The following CNTNAP2 variants were observed in gnomAD, a reference collection of about 807,000 sequenced individuals.
CNTNAP2 encodes contactin associated protein 2, also known as contactin-associated protein-like 2.
In CNTNAP2, 98 loss-of-function variants were observed where a neutral mutation model predicts 155.2. That is an observed-to-expected ratio of 0.63 (90% CI 0.54 to 0.75). The LOEUF (loss-of-function observed/expected upper bound fraction) is 0.75. CNTNAP2 is among the 30% of genes least tolerant of loss of function. CNTNAP2 has a pLI of 0.00. For synonymous variants in CNTNAP2, 651 were observed against 631.2 expected, an observed-to-expected ratio of 1.03 and a Z score of -0.47; for missense variants, 1,727 against 1,688.1, an observed-to-expected ratio of 1.02 and a Z score of -0.40.
At chr7:146,705,353 T>G (rs1308731917) in intron 1 of CNTNAP2, among the ~76,000 whole-genome samples, 1 of 152,030 alleles carries the variant, frequency 6.6e-6, no homozygotes, top group Non-Finnish European at 1.5e-5. Flanking sequence ...GTGTGGTAAG[T>G]ATTTGTTTCC....
intron 14 of CNTNAP2, among the ~76,000 whole-genome samples, chr7:147,959,009 C>T (rs534813436): frequency 3.9e-4 from 60 of 152,160 alleles, no homozygotes; most frequent in Non-Finnish European, 7.2e-4. Context: ...AAAGGCTCCA[C>T]TTTTTATTAA....
chr7:146,884,893 T>C (rs966214269), intron 3 of CNTNAP2, among the ~76,000 whole-genome samples: 2 of 152,180 alleles, frequency 1.3e-5, no homozygotes, highest in Admixed American at 1.3e-4. Context: ...CTTTTCTAGC[T>C]CCCTTAAAAA....
chr7:146,206,879 A>G (rs1798955517), intron 1 of CNTNAP2, among the ~76,000 whole-genome samples: 1 of 152,002 alleles, frequency 6.6e-6, no homozygotes, highest in Non-Finnish European at 1.5e-5. Flanking sequence ...CACCAAATTA[A>G]TAGTACCTTT....
intron 1 of CNTNAP2, among the ~76,000 whole-genome samples, chr7:146,160,112 A>T (rs1382560580): frequency 2.0e-5 from 3 of 152,200 alleles, no homozygotes; most frequent in Non-Finnish European, 4.4e-5. Flanking sequence ...TAACAAAATG[A>T]AGGCAGAAAT....
At chr7:146,777,952 G>A (rs1166910038) in intron 2 of CNTNAP2, among the ~76,000 whole-genome samples, 1 of 151,826 alleles carries the variant, frequency 6.6e-6, no homozygotes, top group Non-Finnish European at 1.5e-5. Flanking sequence ...AAGATATAAA[G>A]AAGACAGACA....
intron 20 of CNTNAP2, among the ~76,000 whole-genome samples, chr7:148,264,622 A>G (rs1023529286): frequency 6.6e-6 from 1 of 152,230 alleles, no homozygotes; most frequent in Non-Finnish European, 1.5e-5. Flanking sequence ...GTTTTTCTAT[A>G]ATGAACATAT....
intron 1 of CNTNAP2, among the ~76,000 whole-genome samples, chr7:146,252,848 T>A (rs1005039003): frequency 1.3e-5 from 2 of 152,038 alleles, no homozygotes; most frequent in Non-Finnish European, 2.9e-5. Flanking sequence ...TTAATTTCCT[T>A]CTTAAAATGT....
At chr7:147,185,817 T>C (rs1165894630) in intron 8 of CNTNAP2, among the ~76,000 whole-genome samples, 1 of 152,128 alleles carries the variant, frequency 6.6e-6, no homozygotes, top group East Asian at 1.9e-4. Context: ...AATTGAATCA[T>C]GGGGACAGGT....
intron 8 of CNTNAP2, among the ~76,000 whole-genome samples, chr7:147,284,427 C>T (rs1038544506): frequency 3.3e-5 from 5 of 151,768 alleles, no homozygotes; most frequent in Non-Finnish European, 7.4e-5. Flanking sequence ...TCTTACGTAG[C>T]ATGTAATGAA....
intron 15 of CNTNAP2, among the ~76,000 whole-genome samples, chr7:148,035,791 G>A (rs1290330421): frequency 1.3e-5 from 2 of 152,166 alleles, no homozygotes; most frequent in Non-Finnish European, 2.9e-5. Context: ...AGAGATGCAG[G>A]TATGAAACTC....
At chr7:146,717,870 G>A (rs896031841) in intron 1 of CNTNAP2, among the ~76,000 whole-genome samples, 2 of 151,540 alleles carry the variant, frequency 1.3e-5, no homozygotes, top group African/African-American at 2.4e-5. Flanking sequence ...TGATTCATCC[G>A]AGGCACATTT....
chr7:148,409,473 T>C lies in CNTNAP2; in HGVS notation c.3796+2T>C. ...ACAGAAACTCGGCTATCATTGGAGG[T>C]AGGTGATGTCTAGAGGAGGCTTATA... is the stretch of plus-strand genomic sequence containing the variant. On this transcript the variant is annotated splice_donor_variant, in intron 23 of 23. Coordinates refer to ENST00000361727, the MANE Select transcript of CNTNAP2 (RefSeq NM_014141.6). LOFTEE classifies it high-confidence loss of function. 1 of 1,613,322 alleles carries C rather than the reference T, an allele frequency of 6.2e-7. No homozygotes were observed. The highest frequency in any genetic ancestry group is 8.5e-7 in the Non-Finnish European group (1 of 1,179,400).
chr7:146,604,625 G>C lies in CNTNAP2; in HGVS notation c.98-169646G>C, dbSNP rs560920591. On this transcript the variant is annotated intron_variant, in intron 1 of 23. Coordinates refer to ENST00000361727, the MANE Select transcript of CNTNAP2 (RefSeq NM_014141.6). The stretch of plus-strand genomic sequence containing the variant: ...TGCTGCTATAAAGACACATGCACAC[G>C]TATGTTTATTGTGGCATTATTCACA... Among the ~76,000 whole-genome samples, 1,092 of 124,372 alleles carry C rather than the reference G, an allele frequency of 8.8e-3. 17 individuals carry two copies. The highest frequency in any genetic ancestry group is 0.032 in the African/African-American group (1,028 of 32,164). 81.6% of individuals were successfully genotyped at this position (124,372 alleles called of 152,430 possible).
At chr7:146,199,460 GAT>G (rs889270804) in intron 1 of CNTNAP2, among the ~76,000 whole-genome samples, 26 of 152,212 alleles carry the variant, frequency 1.7e-4, no homozygotes, top group African/African-American at 6.0e-4. Flanking sequence ...AAGAAGGAAA[GAT>G]AGAGATCAAG....
chr7:147,582,895 C>G (rs1380491318), intron 12 of CNTNAP2, among the ~76,000 whole-genome samples: 1 of 152,120 alleles, frequency 6.6e-6, no homozygotes, highest in Non-Finnish European at 1.5e-5. Context: ...ACTGCGGACT[C>G]TAATCCCCAG....
chr7:148,249,092 C>A (rs763594531), intron 20 of CNTNAP2, among the ~76,000 whole-genome samples: 2 of 152,204 alleles, frequency 1.3e-5, no homozygotes, highest in Non-Finnish European at 2.9e-5. Flanking sequence ...TATAAGGATT[C>A]TTTACGTATT....
At chr7:147,281,852 C>G (rs1391155213) in intron 8 of CNTNAP2, among the ~76,000 whole-genome samples, 2 of 151,776 alleles carry the variant, frequency 1.3e-5, no homozygotes, top group East Asian at 3.9e-4. Flanking sequence ...TTGGTTTTCA[C>G]TGAATTGATC....
chr7:147,807,896 T>C (rs1000491554), intron 13 of CNTNAP2, among the ~76,000 whole-genome samples: 4 of 152,168 alleles, frequency 2.6e-5, no homozygotes, highest in Admixed American at 6.5e-5. Flanking sequence ...CAGGCTTTCA[T>C]TGATGCCCCC....
At chr7:147,006,784 G>A (rs1004828021) in intron 3 of CNTNAP2, among the ~76,000 whole-genome samples, 2 of 151,952 alleles carry the variant, frequency 1.3e-5, no homozygotes, top group Non-Finnish European at 2.9e-5. Context: ...ATGTTTCCTT[G>A]TAATGCTTTT....
Sources: gnomAD v4.1 joint callset for allele counts (sites outside exome capture counted in the v4.1 genomes callset) on GRCh38, gnomAD v4.1.1 for gene constraint, MANE v1.5 for transcripts, NCBI Gene and HGNC (gene_info 2026-07-23, HGNC 2026-07-21) for gene names.